ELF5: variants seen among roughly 807,000 people sequenced by gnomAD.
ELF5 encodes the protein ETS-related transcription factor Elf-5.
ELF5 carries 31 observed loss-of-function variants against 38.2 expected under a neutral mutation model. That is an observed-to-expected ratio of 0.81 (90% CI 0.61 to 1.10). ELF5 has a LOEUF of 1.10. Ranked by LOEUF, ELF5 falls within the 50% of genes least tolerant of loss-of-function variation. The pLI is 0.00. For synonymous variants in ELF5, 121 were observed against 112.5 expected (o/e 1.08, Z -0.48); for missense variants, 300 against 306.6 (o/e 0.98, Z 0.16).
chr11:34,482,590 T>C, intron 4 of ELF5, 91 bp from the exon 5 acceptor site: 3 of 1,051,002 alleles, frequency 2.9e-6, no homozygotes, highest in Non-Finnish European at 2.7e-6. Context: ...ACTAATTGAA[T>C]GCCTTTGTAG....
chr11:34,488,082 C>A (rs1229502098), intron 4 of ELF5, among the ~76,000 whole-genome samples: 2 of 152,018 alleles, frequency 1.3e-5, no homozygotes, highest in Non-Finnish European at 2.9e-5. Flanking sequence ...GTCCCTGGAC[C>A]CAGTTTAAAT....
chr11:34,487,652 C>A (rs1850037042), intron 4 of ELF5, among the ~76,000 whole-genome samples: 1 of 152,160 alleles, frequency 6.6e-6, no homozygotes, highest in African/African-American at 2.4e-5. Context: ...ATCCTGCTCT[C>A]GGCCTCAGCT....
chr11:34,503,124 T>C (rs1850512412), intron 2 of ELF5, among the ~76,000 whole-genome samples: 1 of 152,230 alleles, frequency 6.6e-6, no homozygotes, highest in Non-Finnish European at 1.5e-5. Flanking sequence ...ATCAGTGCTA[T>C]TCACTTCCAG....
intron 3 of ELF5, chr11:34,491,492 A>G (rs1279453560): frequency 6.6e-6 from 1 of 151,892 alleles, no homozygotes; most frequent in East Asian, 1.9e-4. Context: ...GAGGTAATGT[A>G]TGACCTATTA....
intron 2 of ELF5, among the ~76,000 whole-genome samples, chr11:34,503,727 C>T (rs1850534790): frequency 6.6e-6 from 1 of 152,242 alleles, no homozygotes; most frequent in South Asian, 2.1e-4. Flanking sequence ...GCTAGGATTA[C>T]AGGTGTAAGC....
intron 2 of ELF5, among the ~76,000 whole-genome samples, chr11:34,495,227 T>C (rs1468709115): frequency 1.3e-5 from 2 of 152,140 alleles, no homozygotes; most frequent in East Asian, 3.9e-4. Context: ...CACGAGGGCC[T>C]GAAAAGAAAG....
At chr11:34,489,230 T>A (rs1850095440) in intron 4 of ELF5, among the ~76,000 whole-genome samples, 1 of 152,228 alleles carries the variant, frequency 6.6e-6, no homozygotes, top group Non-Finnish European at 1.5e-5. Context: ...CAGTTGATTG[T>A]TTGGGACTGT....
chr11:34,512,916 T>C (rs1850797443), intron 1 of ELF5, among the ~76,000 whole-genome samples: 1 of 152,172 alleles, frequency 6.6e-6, no homozygotes, highest in African/African-American at 2.4e-5. Flanking sequence ...CTCAGTTTCC[T>C]CATCTGTAAC....
chr11:34,507,219 C>G (rs766826), intron 1 of ELF5, among the ~76,000 whole-genome samples: 2 of 152,062 alleles, frequency 1.3e-5, no homozygotes, highest in African/African-American at 4.8e-5. Context: ...GCAGCATGTG[C>G]GGCCCAAGGT....
At chr11:34,508,948 G>A (rs1292587438) in intron 1 of ELF5, among the ~76,000 whole-genome samples, 1 of 152,180 alleles carries the variant, frequency 6.6e-6, no homozygotes, top group Admixed American at 6.5e-5. Context: ...TCAGTACTAA[G>A]AGGGGCAGGA....
At chr11:34,493,376 TA>T in intron 3 of ELF5, 102 bp downstream of exon 3, 1 of 1,111,480 alleles carries the variant, frequency 9.0e-7, no homozygotes, top group Non-Finnish European at 1.3e-6. Context: ...CTCCAGTTAG[TA>T]AAATTTTGCT....
chr11:34,494,497 C>G (rs189530798), intron 2 of ELF5, among the ~76,000 whole-genome samples: 3 of 152,216 alleles, frequency 2.0e-5, no homozygotes, highest in Admixed American at 2.0e-4. Flanking sequence ...TGGTGGTGTT[C>G]AGAGTAATTT....
intron 4 of ELF5, among the ~76,000 whole-genome samples, chr11:34,489,366 C>T (rs1464746094): frequency 6.6e-6 from 1 of 152,118 alleles, no homozygotes; most frequent in Non-Finnish European, 1.5e-5. Flanking sequence ...TGAGCTGAAG[C>T]CCATGGGGGA....
rs890558521 is a variant in ELF5 at position 34,509,981 on chromosome 11, A to G, written c.-5+3696T>C. Among the ~76,000 whole-genome samples the G allele has an allele frequency of 5.3e-5, 8 of 152,296 alleles. No individual in the cohort carries two copies. The South Asian group carries it at 1.7e-3, about 32-fold the overall frequency. On this transcript the variant is annotated intron_variant, in intron 1 of 6. Coordinates refer to ENST00000257832, the MANE Select transcript of ELF5 (RefSeq NM_001422.4). ...TCTATGCCTCACTAATTGCTCTCAA[A>G]AGTCATTGGGTATTAACAAAAAAAA... is the stretch of plus-strand genomic sequence containing the variant.
intron 1 of ELF5, chr11:34,511,809 T>A: frequency 1.9e-6 from 1 of 538,946 alleles, no homozygotes; most frequent in East Asian, 3.1e-5. Context: ...CTTGGCCAGT[T>A]TGCCAGAGGA....
intron 1 of ELF5, among the ~76,000 whole-genome samples, chr11:34,512,235 C>G (rs1850778589): frequency 6.9e-6 from 1 of 144,046 alleles, no homozygotes; most frequent in South Asian, 2.2e-4. Context: ...TGAGAGGAAC[C>G]CTAGCAACTG....
At chr11:34,505,848 A>T in intron 1 of ELF5, 95 bp from the exon 2 acceptor site, 1 of 1,424,378 alleles carries the variant, frequency 7.0e-7, no homozygotes, top group Non-Finnish European at 9.3e-7. Flanking sequence ...CTTGTTTTTT[A>T]AAAATGATAA....
chr11:34,487,215 C>T (rs1387103075), intron 4 of ELF5, among the ~76,000 whole-genome samples: 1 of 152,104 alleles, frequency 6.6e-6, no homozygotes, highest in Non-Finnish European at 1.5e-5. Context: ...TGGAATAAGG[C>T]AAAGCCTCTG....
In ELF5 at chr11:34,479,886, G is replaced by T. The variant is rs1031806552; in HGVS notation, c.*332C>A. ...TGGGAGCATTGGATGTGTCTCTAAT[G>T]GCAGAATTGAATAGTTTTTCTCTGA... On this transcript the variant is annotated 3_prime_UTR_variant, in exon 7 of 7. Coordinates refer to ENST00000257832, the MANE Select transcript of ELF5 (RefSeq NM_001422.4). The T allele has an allele frequency of 2.2e-5, 5 of 228,022 alleles. No individual in the cohort carries two copies. The highest frequency in any genetic ancestry group is 1.2e-4 in the African/African-American group (5 of 43,190). 14.1% of individuals were successfully genotyped at this position (228,022 alleles called of 1,614,324 possible).
Sources: allele counts gnomAD v4.1 joint callset (sites outside exome capture counted in the v4.1 genomes callset), GRCh38; gene constraint gnomAD v4.1.1; transcripts MANE v1.5; gene names NCBI Gene and HGNC (gene_info 2026-07-23, HGNC 2026-07-21).